The following XXYLT1 variants were observed in gnomAD, a reference collection of about 807,000 sequenced individuals.
The protein encoded by XXYLT1 is xyloside xylosyltransferase 1.
A neutral mutation model predicts 28.9 loss-of-function variants in XXYLT1; 20 were observed. The observed-to-expected ratio is 0.69, with a 90% confidence interval of 0.49 to 1.00. XXYLT1 has a LOEUF of 1.00. Among genes scored for constraint, XXYLT1 ranks in the 50% least tolerant of loss-of-function variants. The pLI is 0.00. For synonymous variants in XXYLT1, 257 were observed against 253.8 expected, an observed-to-expected ratio of 1.01 and a Z score of -0.12; for missense variants, 542 against 560.1, an observed-to-expected ratio of 0.97 and a Z score of 0.33.
chr3:195,108,814 G>C (rs183228657), intron 3 of XXYLT1, among the ~76,000 whole-genome samples: 2 of 152,134 alleles, frequency 1.3e-5, no homozygotes, highest in Non-Finnish European at 2.9e-5. Context: ...AAAATGTTAC[G>C]CAGCATGTGA....
At chr3:195,245,508 C>A (rs1217248503) in intron 1 of XXYLT1, among the ~76,000 whole-genome samples, 1 of 152,082 alleles carries the variant, frequency 6.6e-6, no homozygotes, top group Non-Finnish European at 1.5e-5. Context: ...CTGGACACAC[C>A]TGTTCTAGAG....
chr3:195,194,708 G>A (rs1722554432), intron 2 of XXYLT1, among the ~76,000 whole-genome samples: 1 of 152,100 alleles, frequency 6.6e-6, no homozygotes, highest in Admixed American at 6.6e-5. Context: ...CCACACAATG[G>A]AACACTGTGT....
rs568559767 is a variant in XXYLT1, at chr3:195,224,595, C to T, written c.652+2114G>A. 3.3e-5 allele frequency among the ~76,000 whole-genome samples: 5 copies of T among 152,332 alleles called. No individual in the cohort carries two copies. In the East Asian group the frequency reaches 5.8e-4, roughly 18 times the overall value. Reference sequence around the variant, plus strand: ...CAAACCACGAGGAGCTGTATTTCACCTCCTGCTGGGTACTCCACAGCATAA... The same window carrying T: ...CAAACCACGAGGAGCTGTATTTCACTTCCTGCTGGGTACTCCACAGCATAA... On this transcript the variant is annotated intron_variant, in intron 2 of 3. Coordinates refer to ENST00000310380, the MANE Select transcript of XXYLT1 (RefSeq NM_152531.5).
In XXYLT1 at chr3:195,257,977, G is replaced by T. The variant is rs888870160; in HGVS notation, c.504+12578C>A. Among the ~76,000 whole-genome samples, 2 of 152,098 alleles carry T rather than the reference G, an allele frequency of 1.3e-5. No individual in the cohort carries two copies. Among genetic ancestry groups the T allele is most frequent in the Non-Finnish European group, 2.9e-5 (2 of 67,994 alleles). On this transcript the variant is annotated intron_variant, in intron 1 of 3. Coordinates refer to ENST00000310380, the MANE Select transcript of XXYLT1 (RefSeq NM_152531.5). This position sits in a 1 kb window ranked among gnomAD's most constrained non-coding sequence, Gnocchi z 4.3. ...CGACCCTGTGTCTTCCTACCCCCTA[G>T]ACAGCAGGTGGCCAAGGGTGCCCTA... is the stretch of plus-strand genomic sequence containing the variant.
At chr3:195,219,680 C>G (rs1723735234) in intron 2 of XXYLT1, among the ~76,000 whole-genome samples, 1 of 152,228 alleles carries the variant, frequency 6.6e-6, no homozygotes, top group African/African-American at 2.4e-5. Context: ...CTTTGCCACC[C>G]AGCAGCACTG....
chr3:195,076,915 C>T lies in XXYLT1; in HGVS notation c.786-6804G>A, dbSNP rs1354526621. 6.6e-6 allele frequency among the ~76,000 whole-genome samples: 1 copy of T among 152,202 alleles called. No individual in the cohort carries two copies. Among genetic ancestry groups the T allele is most frequent in the African/African-American group, 2.4e-5 (1 of 41,448 alleles). ...CAACTCTTTATATCTGCAACAACCC[C>T]ATTCCCACAAAAGGTGACACTCAGA... is the stretch of plus-strand genomic sequence containing the variant. On this transcript the variant is annotated intron_variant, in intron 3 of 3. Coordinates refer to ENST00000310380, the MANE Select transcript of XXYLT1 (RefSeq NM_152531.5). This position sits in a 1 kb window ranked among gnomAD's most constrained non-coding sequence, Gnocchi z 5.3.
chr3:195,265,013 C>T (rs542500306), intron 1 of XXYLT1, among the ~76,000 whole-genome samples: 1 of 151,902 alleles, frequency 6.6e-6, no homozygotes, highest in East Asian at 1.9e-4. Context: ...GCTGTGATCA[C>T]ACCACTGTGC....
intron 1 of XXYLT1, among the ~76,000 whole-genome samples, chr3:195,229,762 T>C (rs1724220768): frequency 6.6e-6 from 1 of 152,272 alleles, no homozygotes; most frequent in South Asian, 2.1e-4. Flanking sequence ...TTTGTATATG[T>C]ACTGTTTTCT....
At chr3:195,110,808 CGTGTGTGTGGTGTATAA>C (rs1210797151) in intron 3 of XXYLT1, among the ~76,000 whole-genome samples, 4 of 49,166 alleles carry the variant, frequency 8.1e-5, no homozygotes, top group Non-Finnish European at 1.6e-4. Context: ...TGTATGTGTG[CGTGTGTGTGGTGTATAA>C]GTGTGTGTGT....
At position 195,271,015 on chromosome 3, in the gene XXYLT1, G is replaced by C; in HGVS notation, c.44C>G (p.Ala15Gly). 6.8e-7 allele frequency: 1 copy of C among 1,469,678 alleles called. No homozygotes were observed. The highest frequency in any genetic ancestry group is 9.0e-7 in the Non-Finnish European group (1 of 1,115,548). 91.0% of individuals were successfully genotyped at this position (1,469,678 alleles called of 1,614,324 possible). A position where few individuals can be genotyped will look rare whatever the true frequency, so the allele number is the denominator to read the frequency against. ...RGGLPCARAM[A>G]RLGAVRSHYC... ...GTGGGAGCGCACAGCGCCCAGGCGC[G>C]CCATGGCCCGAGCGCATGGGAGCCC... The change falls in exon 1 of 4, where the codon GCG becomes GGG. Residue 15 changes from alanine (A) to glycine (G), a missense_variant. Coordinates refer to ENST00000310380, the MANE Select transcript of XXYLT1 (RefSeq NM_152531.5).
At chr3:195,234,857 T>C (rs1448696660) in intron 1 of XXYLT1, among the ~76,000 whole-genome samples, 1 of 152,126 alleles carries the variant, frequency 6.6e-6, no homozygotes, top group Non-Finnish European at 1.5e-5. Context: ...CTAAATCTGC[T>C]TGGTGTTCTA....
chr3:195,094,381 G>A (rs1431287100), intron 3 of XXYLT1, among the ~76,000 whole-genome samples: 1 of 152,090 alleles, frequency 6.6e-6, no homozygotes, highest in Non-Finnish European at 1.5e-5. Context: ...CTCGCCCTTT[G>A]CCCAAGACCA....
intron 2 of XXYLT1, among the ~76,000 whole-genome samples, chr3:195,216,322 T>C (rs1242539229): frequency 7.0e-6 from 1 of 143,278 alleles, no homozygotes; most frequent in African/African-American, 2.6e-5. Flanking sequence ...AGAGCAGAAC[T>C]GAAGGAAATA....
At chr3:195,231,487 T>TC (rs1256537144) in intron 1 of XXYLT1, among the ~76,000 whole-genome samples, 2 of 152,190 alleles carry the variant, frequency 1.3e-5, no homozygotes, top group Non-Finnish European at 2.9e-5. Context: ...TTTCAGTTTT[T>TC]CCCCATTCAG....
At chr3:195,106,568 C>G (rs1717103109) in intron 3 of XXYLT1, among the ~76,000 whole-genome samples, 1 of 152,244 alleles carries the variant, frequency 6.6e-6, no homozygotes, top group East Asian at 1.9e-4. Context: ...GACCCGCGTG[C>G]AGATCCGGCC....
intron 2 of XXYLT1, chr3:195,175,939 T>G: frequency 7.2e-7 from 1 of 1,382,472 alleles, no homozygotes; most frequent in Non-Finnish European, 9.4e-7. Flanking sequence ...TTCAGTCATG[T>G]TTGTTATTAC....
rs866845152 is a variant in XXYLT1 at position 195,177,830 on chromosome 3, G to C, written c.653-21249C>G. Among the ~76,000 whole-genome samples, 5 of 152,052 alleles carry C rather than the reference G, an allele frequency of 3.3e-5. No individual in the cohort carries two copies. The Middle Eastern group carries it at 0.01, about 310-fold the overall frequency. Reference sequence around the variant, plus strand: ...TGCGCCTGTAGTCCCAGCTACTCAGGAGGCTGAAGTGGGGTAATTGCTTGA... The same window carrying C: ...TGCGCCTGTAGTCCCAGCTACTCAGCAGGCTGAAGTGGGGTAATTGCTTGA... On this transcript the variant is annotated intron_variant, in intron 2 of 3. Transcript: ENST00000310380.
At chr3:195,263,606 C>T (rs984759022) in intron 1 of XXYLT1, among the ~76,000 whole-genome samples, 1 of 152,188 alleles carries the variant, frequency 6.6e-6, no homozygotes, top group Non-Finnish European at 1.5e-5. Flanking sequence ...CTTGGACTTC[C>T]CGGCCTCCAA....
chr3:195,155,964 T>C lies in XXYLT1; in HGVS notation c.785+485A>G, dbSNP rs563773847. 9.6e-4 allele frequency among the ~76,000 whole-genome samples: 146 copies of C among 152,012 alleles called. No homozygotes were observed. In the Middle Eastern group the frequency reaches 0.01, roughly 11 times the overall value. On this transcript the variant is annotated intron_variant, in intron 3 of 3. Coordinates refer to ENST00000310380, the MANE Select transcript of XXYLT1 (RefSeq NM_152531.5). ...CCATGACACAGGCTTGACAATCAAA[T>C]GCAGCATCATGCGGAATGCGCTTCT...
Sources: allele counts gnomAD v4.1 joint callset (sites outside exome capture counted in the v4.1 genomes callset), GRCh38; gene constraint gnomAD v4.1.1; non-coding constraint Gnocchi (gnomAD v3.1); transcripts MANE v1.5; gene names NCBI Gene and HGNC (gene_info 2026-07-23, HGNC 2026-07-21).